Variants in DARS1 observed in about 807,000 individuals in gnomAD.
DARS1 encodes the protein aspartate--tRNA ligase, cytoplasmic.
In DARS1, 51 loss-of-function variants were observed where a neutral mutation model predicts 68.8. The ratio of observed to expected loss-of-function variants is 0.74; its 90% CI spans 0.59 to 0.94. The LOEUF (loss-of-function observed/expected upper bound fraction) is 0.94. Among genes scored for constraint, DARS1 ranks in the 40% least tolerant of loss-of-function variants. The pLI is 0.00. For missense variants in DARS1, 607 were observed against 597.3 expected (o/e 1.02, Z -0.17); for synonymous variants, 203 against 190.4 (o/e 1.07, Z -0.55).
At chr2:135,934,798 T>A (rs2104811646) in intron 5 of DARS1, among the ~76,000 whole-genome samples, 1 of 149,988 alleles carries the variant, frequency 6.7e-6, no homozygotes, top group African/African-American at 2.4e-5. Context: ...TGCTATCATT[T>A]TTTTTTTTTT....
chr2:135,964,607 G>A (rs1033097793), intron 3 of DARS1, among the ~76,000 whole-genome samples: 2 of 152,074 alleles, frequency 1.3e-5, no homozygotes, highest in Non-Finnish European at 1.5e-5. Context: ...CTGGGAGGCC[G>A]AGGTGGGCGG....
At chr2:135,943,349 A>G (rs761998035) in intron 5 of DARS1, 29 bp downstream of exon 5, 128 of 1,600,610 alleles carry the variant, frequency 8.0e-5, no homozygotes, top group Non-Finnish European at 1.0e-4. Flanking sequence ...CTATTTCTAT[A>G]TGCGATTTTA....
intron 4 of DARS1, among the ~76,000 whole-genome samples, chr2:135,944,147 T>C (rs563590741): frequency 1.7e-4 from 26 of 152,294 alleles, no homozygotes; most frequent in African/African-American, 6.3e-4. Flanking sequence ...ACTGAAATTC[T>C]AAAATACAAA....
intron 12 of DARS1, among the ~76,000 whole-genome samples, chr2:135,913,745 C>A (rs1337203652): frequency 2.7e-5 from 4 of 149,822 alleles, no homozygotes; most frequent in Non-Finnish European, 5.9e-5. Context: ...GCAACAAGAG[C>A]GAAACTCCGT....
chr2:135,943,894 T>C (rs1424511007), intron 4 of DARS1, among the ~76,000 whole-genome samples: 1 of 152,196 alleles, frequency 6.6e-6, no homozygotes, highest in Admixed American at 6.5e-5. Flanking sequence ...TGGAATTAAA[T>C]AATAGAAGAC....
chr2:135,913,276 C>T (rs911128809), intron 12 of DARS1, among the ~76,000 whole-genome samples: 1 of 151,914 alleles, frequency 6.6e-6, no homozygotes, highest in African/African-American at 2.4e-5. Context: ...TTTACAATAT[C>T]CATCATTGAA....
At chr2:135,942,538 A>G (rs1294875286) in intron 5 of DARS1, among the ~76,000 whole-genome samples, 1 of 151,456 alleles carries the variant, frequency 6.6e-6, no homozygotes, top group Non-Finnish European at 1.5e-5. Flanking sequence ...CAGCATCAGG[A>G]GATATACCTA....
intron 3 of DARS1, among the ~76,000 whole-genome samples, chr2:135,963,830 C>T (rs1682153268): frequency 6.6e-6 from 1 of 151,940 alleles, no homozygotes; most frequent in African/African-American, 2.4e-5. Flanking sequence ...CAAGTGCCTA[C>T]CACCACACCT....
intron 11 of DARS1, 143 bp downstream of exon 11, chr2:135,916,083 T>C: frequency 2.2e-6 from 1 of 464,950 alleles, no homozygotes; most frequent in East Asian, 3.1e-5. Context: ...TTACCAAGGT[T>C]TTAAAAATCA....
At chr2:135,931,576 C>G (rs1478542541) in intron 7 of DARS1, among the ~76,000 whole-genome samples, 1 of 152,044 alleles carries the variant, frequency 6.6e-6, no homozygotes, top group African/African-American at 2.4e-5. Context: ...TGCTTAAAAA[C>G]TTAAAGTTAC....
At chr2:135,933,508 C>T (rs1027346488) in intron 6 of DARS1, among the ~76,000 whole-genome samples, 1 of 152,162 alleles carries the variant, frequency 6.6e-6, no homozygotes, top group Non-Finnish European at 1.5e-5. Flanking sequence ...AATACAATGT[C>T]ACTCTTAACA....
At position 135,943,480 on chromosome 2, in the gene DARS1, G is replaced by A. The variant is rs1193434314; in HGVS notation, c.321C>T (p.Asn107=). The part of the protein sequence containing the change: ...ASKQMVKFAA[N]INKESIVDVE... ...CATCCACAATGCTCTCTTTGTTGATGCTGTCAAGAGAAAAAATTCCCAACT... is the reference window on the plus strand; with the variant it reads ...CATCCACAATGCTCTCTTTGTTGATACTGTCAAGAGAAAAAATTCCCAACT... The change falls in exon 5 of 16, where the codon AAC becomes AAT. Residue 107 remains asparagine (N), a splice_region_variant and synonymous_variant. Coordinates refer to ENST00000264161, the MANE Select transcript of DARS1 (RefSeq NM_001349.4). The A allele has an allele frequency of 3.1e-6, 5 of 1,609,988 alleles. No individual in the cohort carries two copies. The South Asian group carries it at 5.5e-5, about 18-fold the overall frequency.
Position 135,943,466 on chromosome 2 carries a change from C to G in DARS1, c.335G>C (p.Ser112Thr). 1.2e-6 allele frequency: 2 copies of G among 1,613,374 alleles called. No individual in the cohort carries two copies. The highest frequency in any genetic ancestry group is 2.2e-5 in the South Asian group (2 of 91,032). The change falls in exon 5 of 16, where the codon AGC becomes ACC. Residue 112 changes from serine (S) to threonine (T), a missense_variant. Transcript: ENST00000264161. Reference sequence around the variant, plus strand: ...CACAACACCTTCTACATCCACAATGCTCTCTTTGTTGATGCTGTCAAGAGA... The same window carrying G: ...CACAACACCTTCTACATCCACAATGGTCTCTTTGTTGATGCTGTCAAGAGA... The part of the protein sequence containing the change: ...VKFAANINKE[S>T]IVDVEGVVRK...
chr2:135,959,805 G>A lies in DARS1; in HGVS notation c.320+1591C>T, dbSNP rs1016497212. Among the ~76,000 whole-genome samples, 6 of 152,198 alleles carry A rather than the reference G, an allele frequency of 3.9e-5. No homozygotes were observed. The East Asian group carries it at 5.8e-4, about 15-fold the overall frequency. ...CCACTGGAAGCTTTAGGAATGTAAC[G>A]CCGAGGTTATAATGCAGTTTAATGG... On this transcript the variant is annotated intron_variant, in intron 4 of 15. Coordinates refer to ENST00000264161, the MANE Select transcript of DARS1 (RefSeq NM_001349.4).
chr2:135,958,629 C>T (rs1009298963), intron 4 of DARS1, among the ~76,000 whole-genome samples: 6 of 152,120 alleles, frequency 3.9e-5, no homozygotes, highest in Non-Finnish European at 8.8e-5. Flanking sequence ...AATCATGTTC[C>T]TAAGAAAATT....
chr2:135,914,688 A>G, intron 11 of DARS1, 177 bp from the exon 12 acceptor site: 3 of 587,760 alleles, frequency 5.1e-6, no homozygotes, highest in Non-Finnish European at 9.3e-6. Flanking sequence ...TTATGAGTAT[A>G]CCTTGGTACA....
At chr2:135,916,883 A>T (rs534760483) in intron 10 of DARS1, among the ~76,000 whole-genome samples, 1 of 152,270 alleles carries the variant, frequency 6.6e-6, no homozygotes, top group South Asian at 2.1e-4. Flanking sequence ...ATGGAAGATG[A>T]TATTTTATTG....
chr2:135,958,925 T>C (rs1001885488), intron 4 of DARS1, among the ~76,000 whole-genome samples: 2 of 151,830 alleles, frequency 1.3e-5, no homozygotes, highest in African/African-American at 4.8e-5. Context: ...CTACTTTATA[T>C]AAAGTCCATT....
rs541325467 is a variant in DARS1, at chr2:135,932,018, T to C, written c.564+765A>G. Among the ~76,000 whole-genome samples, 3 of 152,244 alleles carry C rather than the reference T, an allele frequency of 2.0e-5. No individual in the cohort carries two copies. In the East Asian group the frequency reaches 5.8e-4, roughly 29 times the overall value. ...GTTTCTAGGTAGTATCAAGAGGACT[T>C]TGGATTACTGCTTGCTTTTCATATA... On this transcript the variant is annotated intron_variant, in intron 7 of 15. Coordinates refer to ENST00000264161, the MANE Select transcript of DARS1 (RefSeq NM_001349.4).
Sources: allele counts gnomAD v4.1 joint callset (sites outside exome capture counted in the v4.1 genomes callset), GRCh38; gene constraint gnomAD v4.1.1; transcripts MANE v1.5; gene names NCBI Gene and HGNC (gene_info 2026-07-23, HGNC 2026-07-21).